ANK3: variants seen among roughly 807,000 people sequenced by gnomAD.
ANK3 encodes the protein ankyrin-3.
A neutral mutation model predicts 370.9 loss-of-function variants in ANK3; 57 were observed. That is an observed-to-expected ratio of 0.15 (90% confidence interval 0.12 to 0.19). The LOEUF (loss-of-function observed/expected upper bound fraction) is 0.19. Ranked by LOEUF, ANK3 falls within the 10% of genes least tolerant of loss-of-function variation. The pLI is 1.00. For missense variants in ANK3, 4,439 were observed against 5,302.1 expected (o/e 0.84, Z 5.06); for synonymous variants, 1,929 against 1,946.3 (o/e 0.99, Z 0.23).
rs2082668692 is a variant in ANK3 at position 60,071,446 on chromosome 10, T to A, written c.9435A>T (p.Gln3145His). The A allele has an allele frequency of 6.2e-7, 1 of 1,613,980 alleles. No homozygotes were observed. The highest frequency in any genetic ancestry group is 1.3e-5 in the African/African-American group (1 of 74,912). The change falls in exon 37 of 44, where the codon CAA becomes CAT. Residue 3145 changes from glutamine (Q) to histidine (H), a missense_variant. This residue lies in a region of ANK3 where 1,601 missense variants were observed against 1,731.7 expected (regional missense o/e 0.92). Coordinates refer to ENST00000280772, the MANE Select transcript of ANK3 (RefSeq NM_020987.5). ...CTAGAGTATCATCTTCTGGACTACC[T>A]TGGGGAGAAGGAGGTTGCTTTTGCT... is the stretch of plus-strand genomic sequence containing the variant. ...TRQQKQPPSP[Q>H]GSPEDDTLEQ...
At chr10:60,699,452 A>G (rs921452974) in intron 1 of ANK3, among the ~76,000 whole-genome samples, 1 of 152,124 alleles carries the variant, frequency 6.6e-6, no homozygotes, top group Non-Finnish European at 1.5e-5. Flanking sequence ...ACATACAATG[A>G]TCAAATCTTT....
chr10:60,243,311 G>A (rs2097501180), intron 7 of ANK3, among the ~76,000 whole-genome samples: 1 of 152,120 alleles, frequency 6.6e-6, no homozygotes, highest in Non-Finnish European at 1.5e-5. Context: ...TTCATATGTT[G>A]ATGGAATTTG....
intron 2 of ANK3, among the ~76,000 whole-genome samples, chr10:60,462,433 A>G (rs753610781): frequency 2.2e-4 from 34 of 152,050 alleles, no homozygotes; most frequent in Non-Finnish European, 4.1e-4. Context: ...ACTGCTATAT[A>G]CGTGTTTATA....
intron 23 of ANK3, among the ~76,000 whole-genome samples, chr10:60,143,078 A>T (rs749964790): frequency 6.6e-6 from 1 of 152,214 alleles, no homozygotes; most frequent in Non-Finnish European, 1.5e-5. Context: ...ATTTTTTCCA[A>T]TGCCCAAATA....
In ANK3 at chr10:60,581,418, CT is replaced by C. The variant is rs56317709; in HGVS notation, c.96+33767del. ...AAACTGCCTATCCAGGTATTTTGCC[CT>C]TTTTTTTTTTTTTTTTTTTTTTTAA... On this transcript the variant is annotated intron_variant, in intron 2 of 43. Transcript: ENST00000373827. Among the ~76,000 whole-genome samples the C allele has an allele frequency of 2.2e-3, 270 of 123,426 alleles. 1 individual carries two copies. The highest frequency in any genetic ancestry group is 4.1e-3 in the South Asian group (15 of 3,630). The allele number at this position is 123,426 out of a possible 152,430, so 81.0% of individuals were successfully genotyped here. A position where few individuals can be genotyped will look rare whatever the true frequency, so the allele number is the denominator to read the frequency against.
At position 60,531,794 on chromosome 10, in the gene ANK3, C is replaced by G. The variant is rs373299572; in HGVS notation, c.96+83392G>C. ...TTTTCTGTGTCAGAGTGCTGAGGTC[C>G]AAGAACCAGTATCACCTAGAAGTCT... On this transcript the variant is annotated intron_variant, in intron 2 of 43. Coordinates refer to the ANK3 transcript ENST00000373827. Among the ~76,000 whole-genome samples the G allele has an allele frequency of 1.6e-4, 25 of 152,148 alleles. No individual in the cohort carries two copies. The East Asian group carries it at 3.1e-3, about 19-fold the overall frequency.
rs148726522 is a variant in ANK3 at position 60,037,037 on chromosome 10, A to G, written c.*19+5635T>C. ...CTCTTCCACTTCTGCTTCTTTCTCT[A>G]TCATCCAGTTGCTTATGCCAGAAAT... On this transcript the variant is annotated intron_variant, in intron 43 of 43. Transcript: ENST00000280772. Among the ~76,000 whole-genome samples, 69 of 152,154 alleles carry G rather than the reference A, an allele frequency of 4.5e-4. 4 individuals are homozygous for G. Among genetic ancestry groups the G allele is most frequent in the African/African-American group, 1.5e-3 (63 of 41,512 alleles).
At chr10:60,242,688 T>A (rs373784212) in intron 7 of ANK3, among the ~76,000 whole-genome samples, 1 of 152,096 alleles carries the variant, frequency 6.6e-6, no homozygotes, top group Admixed American at 6.5e-5. Context: ...ATACAATACC[T>A]CCACTGCCTC....
At chr10:60,094,708 AT>A (rs1390341771) in intron 28 of ANK3, among the ~76,000 whole-genome samples, 3 of 152,200 alleles carry the variant, frequency 2.0e-5, no homozygotes, top group Non-Finnish European at 4.4e-5. Context: ...CAAAAAAAAA[AT>A]AAATGACATA....
At chr10:60,188,714 C>G (rs748977305) in intron 16 of ANK3, among the ~76,000 whole-genome samples, 1 of 152,206 alleles carries the variant, frequency 6.6e-6, no homozygotes, top group Non-Finnish European at 1.5e-5. Context: ...CTAGACTCTT[C>G]TGAAACTAGC....
intron 2 of ANK3, among the ~76,000 whole-genome samples, chr10:60,511,299 A>G (rs1016825646): frequency 6.6e-6 from 1 of 152,160 alleles, no homozygotes; most frequent in African/African-American, 2.4e-5. Flanking sequence ...ACTATGACTT[A>G]CTATGACTTT....
chr10:60,461,539 A>C (rs2064884112), intron 2 of ANK3, among the ~76,000 whole-genome samples: 1 of 152,124 alleles, frequency 6.6e-6, no homozygotes, highest in African/African-American at 2.4e-5. Flanking sequence ...CATTTGTTTA[A>C]ATTGAATCTG....
At chr10:60,605,385 A>T (rs2078114980) in intron 2 of ANK3, among the ~76,000 whole-genome samples, 1 of 152,108 alleles carries the variant, frequency 6.6e-6, no homozygotes, top group South Asian at 2.1e-4. Context: ...TGAGGCAGGG[A>T]GTTTGAGACC....
At chr10:60,657,423 T>C (rs1055651445) in intron 1 of ANK3, among the ~76,000 whole-genome samples, 18 of 152,212 alleles carry the variant, frequency 1.2e-4, no homozygotes, top group African/African-American at 4.3e-4. Flanking sequence ...TCAGTGAGAT[T>C]ACAGGTGCAT....
At chr10:60,683,815 C>T (rs1332342262) in intron 1 of ANK3, among the ~76,000 whole-genome samples, 2 of 152,146 alleles carry the variant, frequency 1.3e-5, no homozygotes, top group Non-Finnish European at 2.9e-5. Flanking sequence ...CCTGTCCATA[C>T]ATGACAACCA....
At chr10:60,142,269 T>C (rs1480930205) in intron 23 of ANK3, among the ~76,000 whole-genome samples, 2 of 152,186 alleles carry the variant, frequency 1.3e-5, no homozygotes, top group African/African-American at 2.4e-5. Context: ...ATTCTCTTGA[T>C]GGAAACTTTA....
At chr10:60,493,168 T>C (rs1028607404) in intron 2 of ANK3, among the ~76,000 whole-genome samples, 5 of 151,920 alleles carry the variant, frequency 3.3e-5, no homozygotes, top group Admixed American at 2.6e-4. Flanking sequence ...CTCATTTACA[T>C]GCTAAAGAGG....
At position 60,186,794 on chromosome 10, in the gene ANK3, T is replaced by C. The variant is rs1333784678; in HGVS notation, c.2006A>G (p.His669Arg). ...AVTRQGIASV[H>R]LAAQEGHVDM... is the part of the protein sequence containing the mutation. ...CACGTGCCCTTCCTGAGCTGCGAGA[T>C]GGACGGAAGCAATTCCTTGCCGGGT... The change falls in exon 17 of 44, where the codon CAT becomes CGT. Residue 669 changes from histidine (H) to arginine (R), a missense_variant. Physicochemically the swap from His to Arg is conservative, Grantham distance 29. Around this residue, in one of 13 missense-constraint regions of ANK3, gnomAD observed 192 missense variants for 192.1 expected, o/e 1.00. Transcript: ENST00000280772. 1 of 1,614,182 alleles carries C rather than the reference T, an allele frequency of 6.2e-7. No individual in the cohort carries two copies. The highest frequency in any genetic ancestry group is 8.5e-7 in the Non-Finnish European group (1 of 1,180,018).
chr10:60,595,514 G>GA (rs1452648686), intron 2 of ANK3, among the ~76,000 whole-genome samples: 2 of 152,120 alleles, frequency 1.3e-5, no homozygotes, highest in Non-Finnish European at 2.9e-5. Context: ...TGCAGGGTCT[G>GA]AAAAATGCCT....
Sources: gnomAD v4.1 joint callset for allele counts (sites outside exome capture counted in the v4.1 genomes callset) on GRCh38, gnomAD v4.1.1 for gene constraint, gnomAD v4.1.1 regional missense constraint, MANE v1.5 for transcripts, NCBI Gene and HGNC (gene_info 2026-07-23, HGNC 2026-07-21) for gene names.